DNAH17: variants seen among roughly 807,000 people sequenced by gnomAD.
DNAH17 encodes the protein axonemal beta dynein heavy chain 17.
A neutral mutation model predicts 485.6 loss-of-function variants in DNAH17; 376 were observed. The observed-to-expected ratio is 0.77, with a 90% CI of 0.71 to 0.84. The LOEUF (loss-of-function observed/expected upper bound fraction) is 0.84, where lower values mean the gene tolerates loss of function less well. Among genes scored for constraint, DNAH17 ranks in the 40% least tolerant of loss-of-function variants. The pLI is 0.00. For missense variants in DNAH17, 6,370 were observed against 5,839.3 expected (o/e 1.09, Z -2.96); for synonymous variants, 3,031 against 2,405.9 (o/e 1.26, Z -7.60).
chr17:78,533,419 G>A (rs1468014574), intron 19 of DNAH17, among the ~76,000 whole-genome samples: 1 of 152,164 alleles, frequency 6.6e-6, no homozygotes, highest in African/African-American at 2.4e-5. Context: ...GGCTTTCCTG[G>A]CAACAGCAAA....
chr17:78,556,856 G>C (rs569864463), intron 14 of DNAH17, among the ~76,000 whole-genome samples: 189 of 152,326 alleles, frequency 1.2e-3, no homozygotes, highest in Non-Finnish European at 2.3e-3. Flanking sequence ...GAAGAATGGT[G>C]CTACATGCAA....
chr17:78,465,487 A>T (rs2088381963), intron 56 of DNAH17, among the ~76,000 whole-genome samples: 1 of 84,930 alleles, frequency 1.2e-5, no homozygotes, highest in South Asian at 4.5e-4. Context: ...GAAGTGAGGA[A>T]CACCTCTTCC....
In DNAH17 at chr17:78,561,901, T is replaced by C. The variant is rs1269710136; in HGVS notation, c.1649A>G (p.Glu550Gly). ...ATTGTCTAGCTCAGCGTCAAACAGC[T>C]CCAGCATGACTGAATACCTGGGCGC... is the stretch of plus-strand genomic sequence containing the variant. ...EVAPRYSVML[E>G]LFDAELDNAK... The change falls in exon 12 of 81, where the codon GAG (glutamate) becomes GGG (glycine). Residue 550 changes from glutamate (E) to glycine (G), a missense_variant. Transcript: ENST00000389840. 6.2e-7 allele frequency: 1 copy of C among 1,613,792 alleles called. No homozygotes were observed. Among genetic ancestry groups the C allele is most frequent in the Non-Finnish European group, 8.5e-7 (1 of 1,179,838 alleles).
Position 78,575,016 on chromosome 17 carries a change from T to C in DNAH17, c.42A>G (p.Glu14=), listed in dbSNP as rs534783575. 4 of 1,613,976 alleles carry C rather than the reference T, an allele frequency of 2.5e-6. No homozygotes were observed. The African/African-American group carries it at 5.3e-5, about 22-fold the overall frequency. Residue 14 remains glutamate (E), a synonymous_variant, in exon 2 of 81, where the codon GAA becomes GAG. Coordinates refer to ENST00000389840, the MANE Select transcript of DNAH17 (RefSeq NM_173628.4). ...TGAACTTCAGGACGATGGAGGCAAC[T>C]TCCTCCAGATACTCTAGTCTGACGT... ...APDVRLEYLE[E]VASIVLKFKP...
chr17:78,475,245 T>C (rs2146594098), intron 54 of DNAH17, 33 bp downstream of exon 54: 1 of 1,608,446 alleles, frequency 6.2e-7, no homozygotes, highest in Non-Finnish European at 8.5e-7. Flanking sequence ...GACCCTACCC[T>C]GAAAGGCAGC....
rs781782221 is a variant in DNAH17, at chr17:78,543,916, G to A, written c.2473C>T (p.Leu825Phe). The A allele has an allele frequency of 1.2e-6, 2 of 1,614,026 alleles. No homozygotes were observed. The highest frequency in any genetic ancestry group is 8.5e-7 in the Non-Finnish European group (1 of 1,179,898). Residue 825 changes from leucine (L) to phenylalanine (F), a missense_variant, in exon 17 of 81, where the codon CTC becomes TTC. Leu to Phe is a conservative substitution (Grantham distance 22, BLOSUM62 0). Coordinates refer to ENST00000389840, the MANE Select transcript of DNAH17 (RefSeq NM_173628.4). ...CTGACTGCTGCGTAGCGCTTGTTGAGGTTGGCAATTCTTCCATCCAAGTCT... is the reference window on the plus strand; with the variant it reads ...CTGACTGCTGCGTAGCGCTTGTTGAAGTTGGCAATTCTTCCATCCAAGTCT... ...LLDLDGRIANLNKRYAAVRDA... is the reference protein window; with the variant it reads ...LLDLDGRIANFNKRYAAVRDA...
At chr17:78,507,433 G>A (rs778780585) in intron 28 of DNAH17, 25 bp downstream of exon 28, 14 of 1,613,588 alleles carry the variant, frequency 8.7e-6, no homozygotes, top group African/African-American at 2.7e-5. Flanking sequence ...TCTGAAGTGC[G>A]TGGGAACCAC....
intron 56 of DNAH17, among the ~76,000 whole-genome samples, chr17:78,464,776 T>G (rs1024347192): frequency 3.9e-5 from 6 of 152,316 alleles, no homozygotes; most frequent in Admixed American, 2.0e-4. Context: ...CCCTGGAGCC[T>G]TGGCTGCGCC....
chr17:78,457,658 T>TTC (rs2087873757), intron 62 of DNAH17, among the ~76,000 whole-genome samples: 1 of 5,622 alleles, frequency 1.8e-4, no homozygotes, highest in African/African-American at 4.2e-4. Context: ...CGTGCCTGGC[T>TTC]TTTTTTTTTT....
In DNAH17 at chr17:78,459,023, G is replaced by A. The variant is rs751939124; in HGVS notation, c.9839C>T (p.Ser3280Phe). 1 of 1,613,938 alleles carries A rather than the reference G, an allele frequency of 6.2e-7. No individual in the cohort carries two copies. The highest frequency in any genetic ancestry group is 1.3e-5 in the African/African-American group (1 of 74,956). The change falls in exon 61 of 81, where the codon TCC (serine) becomes TTC (phenylalanine). Residue 3280 changes from serine (S) to phenylalanine (F), a missense_variant. Physicochemically the swap from Ser to Phe is radical, Grantham distance 155 (BLOSUM62 -2). Transcript: ENST00000389840. ...TACGGCAATCTTGTTTTTGATCCGG[G>A]ACAGCTTCTCTTGTGCCTCTGCCAG... Reference protein sequence around the residue: ...AELAEAQEKLSRIKNKIAELN... With the variant: ...AELAEAQEKLFRIKNKIAELN...
chr17:78,491,672 C>T, intron 42 of DNAH17, 102 bp from the exon 43 acceptor site: 3 of 1,481,378 alleles, frequency 2.0e-6, no homozygotes, highest in Non-Finnish European at 2.7e-6. Context: ...GGAGCCTGTC[C>T]CCTACTTCAG....
intron 2 of DNAH17, among the ~76,000 whole-genome samples, chr17:78,574,379 T>C (rs556465810): frequency 1.9e-4 from 29 of 152,108 alleles, no homozygotes; most frequent in African/African-American, 7.0e-4. Flanking sequence ...GGTGCATGCC[T>C]GTGGTCCCAG....
At chr17:78,551,914 G>C (rs2143566010) in intron 15 of DNAH17, among the ~76,000 whole-genome samples, 1 of 150,842 alleles carries the variant, frequency 6.6e-6, no homozygotes, top group Non-Finnish European at 1.5e-5. Flanking sequence ...AGTGAGCCGA[G>C]ATTGTGCCAT....
chr17:78,552,625 G>T, intron 15 of DNAH17, 72 bp downstream of exon 15: 3 of 1,103,848 alleles, frequency 2.7e-6, no homozygotes, highest in South Asian at 1.3e-5. Context: ...CTCTAGTGGT[G>T]TTTGAGGACA....
intron 5 of DNAH17, 114 bp downstream of exon 5, chr17:78,571,165 A>G: frequency 1.5e-6 from 2 of 1,297,592 alleles, no homozygotes; most frequent in Non-Finnish European, 2.2e-6. Context: ...GGGGGCTGAG[A>G]AAGCTGCTCG....
At chr17:78,484,183 T>C (rs8069886) in intron 48 of DNAH17, among the ~76,000 whole-genome samples, 112,333 of 149,474 alleles carry the variant, frequency 0.75, 42,356 homozygotes, top group Admixed American at 0.82. Context: ...GTGCCACCTT[T>C]GGTTTCTCGG....
rs2143687491 is a variant in DNAH17, at chr17:78,565,841, T to G, written c.1569+773A>C. On this transcript the variant is annotated intron_variant, in intron 11 of 80. Transcript: ENST00000389840. The stretch of plus-strand genomic sequence containing the variant: ...GGCGTATGCCTATAATTCCAGCTAC[T>G]AGGGAGGCTGAGGCAGGAGAATCGT... Among the ~76,000 whole-genome samples, 4 of 152,096 alleles carry G rather than the reference T, an allele frequency of 2.6e-5. No individual in the cohort carries two copies. In the Middle Eastern group the frequency reaches 0.014, roughly 517 times the overall value.
At chr17:78,538,138 CAA>C (rs60460125) in intron 18 of DNAH17, among the ~76,000 whole-genome samples, 20 of 106,278 alleles carry the variant, frequency 1.9e-4, no homozygotes, top group African/African-American at 6.6e-4. Context: ...ACTCTGTCTC[CAA>C]AAAAAAAAAA....
Position 78,501,435 on chromosome 17 carries a change from C to T in DNAH17, c.5323-91G>A, listed in dbSNP as rs923135625. On this transcript the variant is annotated intron_variant, in intron 34 of 80. Transcript: ENST00000389840. ...CCAGCATGCCTCCAAGGCCGGTCCC[C>T]TGCTGCCCAGGGAACCCTCCCTGGC... 6.2e-6 allele frequency: 9 copies of T among 1,461,224 alleles called. No homozygotes were observed. The African/African-American group carries it at 1.3e-4, about 21-fold the overall frequency. The allele number at this position is 1,461,224 out of a possible 1,614,324, so 90.5% of individuals were successfully genotyped here.
Sources: gnomAD v4.1 joint callset for allele counts (sites outside exome capture counted in the v4.1 genomes callset) on GRCh38, gnomAD v4.1.1 for gene constraint, MANE v1.5 for transcripts, NCBI Gene and HGNC (gene_info 2026-07-23, HGNC 2026-07-21) for gene names.